The following MBLAC2 variants were observed in gnomAD, a reference collection of about 807,000 sequenced individuals.
MBLAC2 encodes acyl-coenzyme A thioesterase MBLAC2.
A neutral mutation model predicts 23.3 loss-of-function variants in MBLAC2; 24 were observed. The ratio of observed to expected loss-of-function variants is 1.03; its 90% CI spans 0.75 to 1.45. MBLAC2 has a LOEUF of 1.45. Ranked by LOEUF, MBLAC2 falls within the 40% of genes most tolerant of loss-of-function variation. The probability of loss-of-function intolerance (pLI) is 0.00; values close to 1 mark genes in which losing one functional copy is unlikely to be tolerated. For synonymous variants in MBLAC2, 162 were observed against 150.9 expected, an observed-to-expected ratio of 1.07 and a Z score of -0.54; for missense variants, 358 against 370.0, an observed-to-expected ratio of 0.97 and a Z score of 0.27.
At chr5:90,473,748 TG>T in intron 1 of MBLAC2, 90 bp downstream of exon 1, 1 of 1,278,526 alleles carries the variant, frequency 7.8e-7, no homozygotes, top group Non-Finnish European at 1.1e-6. Context: ...ATCCCCTTTA[TG>T]GCCACGCAAG....
intron 1 of MBLAC2, among the ~76,000 whole-genome samples, chr5:90,471,529 A>G (rs1021961279): frequency 6.6e-6 from 1 of 152,180 alleles, no homozygotes; most frequent in Non-Finnish European, 1.5e-5. Flanking sequence ...AGATATGGCT[A>G]TTCTCTCCTT....
intron 1 of MBLAC2, among the ~76,000 whole-genome samples, chr5:90,470,841 T>A (rs1750535733): frequency 6.6e-6 from 1 of 151,714 alleles, no homozygotes; most frequent in Non-Finnish European, 1.5e-5. Flanking sequence ...TAATTTGGCA[T>A]CCTTCAATCA....
Position 90,458,257 on chromosome 5 carries a change from AAATTAT to A in MBLAC2, c.*2904_*2909del, listed in dbSNP as rs1201507896. 6.6e-6 allele frequency: 1 copy of A among 152,168 alleles called. No individual in the cohort carries two copies. The highest frequency in any genetic ancestry group is 1.9e-4 in the East Asian group (1 of 5,202). 9.4% of individuals were successfully genotyped at this position (152,168 alleles called of 1,614,324 possible). On this transcript the variant is annotated 3_prime_UTR_variant, in exon 2 of 2. Transcript: ENST00000316610. ...CAAGTGCTTAGTTACACTTATCTGA[AAATTAT>A]AATAGGACAATTGGTGCATGTCACA...
chr5:90,468,318 G>T (rs1202532189), intron 1 of MBLAC2, among the ~76,000 whole-genome samples: 1 of 151,884 alleles, frequency 6.6e-6, no homozygotes, highest in African/African-American at 2.4e-5. Flanking sequence ...CTTCTTCCTT[G>T]GGAACACCAA....
intron 1 of MBLAC2, among the ~76,000 whole-genome samples, chr5:90,467,385 T>C (rs1019692386): frequency 2.0e-5 from 3 of 152,308 alleles, no homozygotes; most frequent in African/African-American, 7.2e-5. Context: ...TGCATATATA[T>C]TTAGAATTGT....
intron 1 of MBLAC2, among the ~76,000 whole-genome samples, chr5:90,463,673 C>T (rs1750402197): frequency 6.6e-6 from 1 of 152,044 alleles, no homozygotes; most frequent in Admixed American, 6.6e-5. Flanking sequence ...AATCAAATTA[C>T]TATCCTAAGA....
At chr5:90,469,683 TG>T (rs1561240297) in intron 1 of MBLAC2, among the ~76,000 whole-genome samples, 1 of 152,030 alleles carries the variant, frequency 6.6e-6, no homozygotes, top group African/African-American at 2.4e-5. Context: ...ATTTAAGAGT[TG>T]GGGGGCATGA....
chr5:90,465,931 A>G (rs1015345087), intron 1 of MBLAC2, among the ~76,000 whole-genome samples: 2 of 152,224 alleles, frequency 1.3e-5, no homozygotes, highest in African/African-American at 4.8e-5. Context: ...AAAATTCAAC[A>G]TAATCTCAAT....
intron 1 of MBLAC2, among the ~76,000 whole-genome samples, chr5:90,464,550 A>C (rs1274709901): frequency 6.6e-6 from 1 of 152,108 alleles, no homozygotes; most frequent in Non-Finnish European, 1.5e-5. Flanking sequence ...GCGCCATTGC[A>C]CTCCGGCCTG....
rs1460425177 is a variant in MBLAC2, at chr5:90,474,409, C to T, written c.-117G>A. The T allele has an allele frequency of 1.1e-6, 1 of 940,286 alleles. No individual in the cohort carries two copies. Among genetic ancestry groups the T allele is most frequent in the Non-Finnish European group, 1.6e-6 (1 of 611,390 alleles). The allele number at this position is 940,286 out of a possible 1,614,324, so 58.2% of individuals were successfully genotyped here. ...GGTCTGCCTGCAGCCAGGGAGGAGG[C>T]GTAGAGCGAGGCGGGGGCGTGGGAT... On this transcript the variant is annotated 5_prime_UTR_variant, in exon 1 of 2. Transcript: ENST00000316610.
Position 90,461,164 on chromosome 5 carries a change from A to G in MBLAC2, c.*3T>C, listed in dbSNP as rs1750359738. On this transcript the variant is annotated 3_prime_UTR_variant, in exon 2 of 2. Coordinates refer to ENST00000316610, the MANE Select transcript of MBLAC2 (RefSeq NM_203406.2). ...TAATCAAAATATATTATCAGTATAG[A>G]TACTAGGGCGAGGTCCTAGAATTTG... 4 of 1,579,234 alleles carry G rather than the reference A, an allele frequency of 2.5e-6. No homozygotes were observed. The highest frequency in any genetic ancestry group is 3.4e-6 in the Non-Finnish European group (4 of 1,166,488).
intron 1 of MBLAC2, among the ~76,000 whole-genome samples, chr5:90,461,777 T>C (rs1750373210): frequency 6.6e-6 from 1 of 152,228 alleles, no homozygotes; most frequent in South Asian, 2.1e-4. Flanking sequence ...ACACTACTTC[T>C]ACAGGCTATC....
rs1269568010 is a variant in MBLAC2 at position 90,473,541 on chromosome 5, T to C, written c.454+298A>G. ...ATCCCTAGTCAGTCACAAGTCTTTG[T>C]AGTGTTACTGCTACAGCCGATGCAG... is the stretch of plus-strand genomic sequence containing the variant. On this transcript the variant is annotated intron_variant, in intron 1 of 1. Transcript: ENST00000316610. 21 of 620,102 alleles carry C rather than the reference T, an allele frequency of 3.4e-5. No homozygotes were observed. In the East Asian group the frequency reaches 5.0e-4, roughly 15 times the overall value. 38.4% of individuals were successfully genotyped at this position (620,102 alleles called of 1,614,324 possible). A position where few individuals can be genotyped will look rare whatever the true frequency, so the allele number is the denominator to read the frequency against.
At chr5:90,465,952 ATCT>A (rs1347174364) in intron 1 of MBLAC2, among the ~76,000 whole-genome samples, 1 of 152,196 alleles carries the variant, frequency 6.6e-6, no homozygotes. Flanking sequence ...CAAAATCTTG[ATCT>A]TTTTTCGAAG....
In MBLAC2 at chr5:90,459,666, C is replaced by T. The variant is rs903499680; in HGVS notation, c.*1501G>A. The T allele has an allele frequency of 2.6e-5, 4 of 152,038 alleles. No homozygotes were observed. The highest frequency in any genetic ancestry group is 5.9e-5 in the Non-Finnish European group (4 of 67,958). 9.4% of individuals were successfully genotyped at this position (152,038 alleles called of 1,614,324 possible). A position where few individuals can be genotyped will look rare whatever the true frequency, so the allele number is the denominator to read the frequency against. ...CTATTATTTATATTTTGTGTGCTTT[C>T]GACTTTTAGTTATAATGTTGTCTTT... On this transcript the variant is annotated 3_prime_UTR_variant, in exon 2 of 2. Transcript: ENST00000316610.
Position 90,474,545 on chromosome 5 carries a change from G to A in MBLAC2, c.-253C>T. ...AAGCAGAGGCTGCGCCACCAGCACG[G>A]GGGCGCAGGAGCTACCGCAGCCTCG... On this transcript the variant is annotated 5_prime_UTR_variant, in exon 1 of 2. Coordinates refer to ENST00000316610, the MANE Select transcript of MBLAC2 (RefSeq NM_203406.2). 2 of 518,860 alleles carry A rather than the reference G, an allele frequency of 3.9e-6. No individual in the cohort carries two copies. The highest frequency in any genetic ancestry group is 6.8e-6 in the Non-Finnish European group (2 of 292,786). The allele number at this position is 518,860 out of a possible 1,614,324, so 32.1% of individuals were successfully genotyped here. A position where few individuals can be genotyped will look rare whatever the true frequency, so the allele number is the denominator to read the frequency against.
intron 1 of MBLAC2, among the ~76,000 whole-genome samples, chr5:90,464,790 T>C (rs1012699824): frequency 5.9e-5 from 9 of 152,332 alleles, no homozygotes; most frequent in African/African-American, 2.2e-4. Context: ...GCCATATGAT[T>C]ATCTCAATAG....
At chr5:90,473,783 A>T in intron 1 of MBLAC2, 56 bp downstream of exon 1, 1 of 1,482,866 alleles carries the variant, frequency 6.7e-7, no homozygotes, top group Non-Finnish European at 9.2e-7. Flanking sequence ...GCACTCGGAC[A>T]GTCTCTTCCC....
At chr5:90,465,357 C>T (rs1750430537) in intron 1 of MBLAC2, among the ~76,000 whole-genome samples, 1 of 152,016 alleles carries the variant, frequency 6.6e-6, no homozygotes, top group African/African-American at 2.4e-5. Flanking sequence ...AAGAAGACCT[C>T]AATAAAAGGA....
Sources: allele counts gnomAD v4.1 joint callset (sites outside exome capture counted in the v4.1 genomes callset), GRCh38; gene constraint gnomAD v4.1.1; transcripts MANE v1.5; gene names NCBI Gene and HGNC (gene_info 2026-07-23, HGNC 2026-07-21).